Variants in GRAMD4 observed in about 807,000 individuals in gnomAD.
GRAMD4 encodes the protein GRAM domain containing 4, also known as GRAM domain-containing protein 4.
A neutral mutation model predicts 83.9 loss-of-function variants in GRAMD4; 25 were observed. The ratio of observed to expected loss-of-function variants is 0.30; its 90% CI spans 0.22 to 0.42. GRAMD4 has a LOEUF of 0.42. Ranked by LOEUF, GRAMD4 falls within the 10% of genes least tolerant of loss-of-function variation. GRAMD4 has a pLI of 1.00. For synonymous variants in GRAMD4, 336 were observed against 320.9 expected (o/e 1.05, Z -0.50); for missense variants, 593 against 788.7 (o/e 0.75, Z 2.97).
intron 2 of GRAMD4, among the ~76,000 whole-genome samples, chr22:46,630,667 G>A (rs557289658): frequency 9.9e-5 from 15 of 152,270 alleles, no homozygotes; most frequent in Admixed American, 5.9e-4. Context: ...TCCTGGCAGC[G>A]GCTCAGGATC....
intron 4 of GRAMD4, 150 bp downstream of exon 4, chr22:46,658,457 T>A: frequency 1.3e-6 from 1 of 741,916 alleles, no homozygotes; most frequent in Non-Finnish European, 2.2e-6. Context: ...GGCCCGGCTC[T>A]GACTGCCCAG....
At chr22:46,644,406 CT>C (rs1231554943) in intron 3 of GRAMD4, among the ~76,000 whole-genome samples, 1 of 152,128 alleles carries the variant, frequency 6.6e-6, no homozygotes, top group African/African-American at 2.4e-5. Flanking sequence ...ACACCTGCCC[CT>C]GTTCCATGTT....
chr22:46,615,355 GTGTGTGCAGGTTCCCC>G (rs1247206692), intron 1 of GRAMD4, among the ~76,000 whole-genome samples: 1 of 13,470 alleles, frequency 7.4e-5, no homozygotes, highest in African/African-American at 3.1e-4. Flanking sequence ...GGCTTCCCCT[GTGTGTGCAGGTTCCCC>G]TGTGTGTAGG....
At chr22:46,668,229 G>T (rs1331871644) in intron 11 of GRAMD4, 62 bp downstream of exon 11, 27 of 1,206,964 alleles carry the variant, frequency 2.2e-5, no homozygotes, top group Non-Finnish European at 3.1e-5. Flanking sequence ...AGCCAGGGGT[G>T]TGTCTACGCC....
At chr22:46,581,751 G>A (rs1253732888) in intron 1 of GRAMD4, among the ~76,000 whole-genome samples, 3 of 152,390 alleles carry the variant, frequency 2.0e-5, no homozygotes, top group African/African-American at 7.2e-5. Context: ...TTGCTGCGTG[G>A]TAGAGGTGGG....
downstream of GRAMD4, among the ~76,000 whole-genome samples, chr22:46,680,805 C>CCCATCCATCCATCCATCCATCCAT (rs751195568): frequency 1.8e-5 from 1 of 55,842 alleles, no homozygotes; most frequent in Non-Finnish European, 3.1e-5. Flanking sequence ...CATTCACCTA[C>CCCATCCATCCATCCATCCATCCAT]CCATCCATCC....
At position 46,663,762 on chromosome 22, in the gene GRAMD4, C is replaced by A. The variant is rs556684529; in HGVS notation, c.600-76C>A. Reference sequence around the variant, plus strand: ...TCCTCCCTGGCCCCTGCAGAGCCAACGGAACCGGGCAGTGGGGACTGCAGA... The same window carrying A: ...TCCTCCCTGGCCCCTGCAGAGCCAAAGGAACCGGGCAGTGGGGACTGCAGA... On this transcript the variant is annotated intron_variant, in intron 6 of 18. Coordinates refer to ENST00000406902, the MANE Select transcript of GRAMD4 (RefSeq NM_015124.5). 7 of 1,457,858 alleles carry A rather than the reference C, an allele frequency of 4.8e-6. No individual in the cohort carries two copies. In the African/African-American group the frequency reaches 9.7e-5, roughly 20 times the overall value. 90.3% of individuals were successfully genotyped at this position (1,457,858 alleles called of 1,614,324 possible). A position where few individuals can be genotyped will look rare whatever the true frequency, so the allele number is the denominator to read the frequency against.
chr22:46,673,734 A>G lies in GRAMD4; in HGVS notation c.1304A>G (p.Asp435Gly). 6.2e-7 allele frequency: 1 copy of G among 1,612,876 alleles called. No individual in the cohort carries two copies. Among genetic ancestry groups the G allele is most frequent in the Non-Finnish European group, 8.5e-7 (1 of 1,179,906 alleles). ...CCGGCCGGCCTGGGTAAAGAGGAGG[A>G]CGCCGGTCGCTTCCACAGCACCAAG... ...SAPAGLGKEE[D>G]AGRFHSTKKG... The change falls in exon 15 of 19, where the codon GAC (aspartate) becomes GGC (glycine). Residue 435 changes from aspartate (D) to glycine (G), a missense_variant. Physicochemically the swap from Asp to Gly is moderately conservative, Grantham distance 94. Coordinates refer to ENST00000406902, the MANE Select transcript of GRAMD4 (RefSeq NM_015124.5).
chr22:46,637,169 G>A (rs1320602809), intron 2 of GRAMD4, among the ~76,000 whole-genome samples: 1 of 152,162 alleles, frequency 6.6e-6, no homozygotes, highest in Non-Finnish European at 1.5e-5. Flanking sequence ...CACGGGGCCA[G>A]CACAGTTCCA....
chr22:46,678,094 C>G lies in GRAMD4; in HGVS notation c.*843C>G. 15 of 985,570 alleles carry G rather than the reference C, an allele frequency of 1.5e-5. No homozygotes were observed. Among genetic ancestry groups the G allele is most frequent in the Non-Finnish European group, 1.8e-5 (15 of 830,026 alleles). 61.1% of individuals were successfully genotyped at this position (985,570 alleles called of 1,614,324 possible). A position where few individuals can be genotyped will look rare whatever the true frequency, so the allele number is the denominator to read the frequency against. On this transcript the variant is annotated 3_prime_UTR_variant, in exon 19 of 19. Transcript: ENST00000406902. ...TCTCACACTTTGCTCTTTGGAAGGCCCAGGAGAACATCCGCGAAGGCTGTT... is the reference window on the plus strand; with the variant it reads ...TCTCACACTTTGCTCTTTGGAAGGCGCAGGAGAACATCCGCGAAGGCTGTT...
At chr22:46,578,270 A>G (rs2081064710) in intron 1 of GRAMD4, among the ~76,000 whole-genome samples, 1 of 152,144 alleles carries the variant, frequency 6.6e-6, no homozygotes, top group African/African-American at 2.4e-5. Context: ...GTCCCAGCCC[A>G]GTGCAGCCCT....
At chr22:46,599,533 G>GCCA (rs1183649476) in intron 1 of GRAMD4, among the ~76,000 whole-genome samples, 3 of 151,894 alleles carry the variant, frequency 2.0e-5, no homozygotes, top group African/African-American at 7.3e-5. Flanking sequence ...CACCCTCTTG[G>GCCA]CCAGGCTGGT....
chr22:46,650,338 C>T lies in GRAMD4; in HGVS notation c.284-7849C>T, dbSNP rs1481673349. On this transcript the variant is annotated intron_variant, in intron 3 of 18. Transcript: ENST00000406902. ...CGAGGCTGGGTGGAGGGCTGCGTGTCGAGGCTGGGTGGAGGGCTGCGTGTC... is the reference window on the plus strand; with the variant it reads ...CGAGGCTGGGTGGAGGGCTGCGTGTTGAGGCTGGGTGGAGGGCTGCGTGTC... 3.4e-5 allele frequency among the ~76,000 whole-genome samples: 5 copies of T among 149,100 alleles called. 1 individual carries two copies. The highest frequency in any genetic ancestry group is 2.7e-4 in the Admixed American group (4 of 14,996).
intron 1 of GRAMD4, among the ~76,000 whole-genome samples, chr22:46,603,513 C>CT (rs1569254347): frequency 9.4e-6 from 1 of 106,014 alleles, no homozygotes; most frequent in South Asian, 3.1e-4. Context: ...CCGGCCTCTT[C>CT]TCTTTTTTTT....
chr22:46,618,136 T>C (rs529372223), upstream of GRAMD4, among the ~76,000 whole-genome samples: 1 of 151,320 alleles, frequency 6.6e-6, no homozygotes, highest in Admixed American at 6.5e-5. This position sits in a 1 kb window ranked among gnomAD's most constrained non-coding sequence, Gnocchi z 5.8. Flanking sequence ...TCCCTCACTC[T>C]CTGAACAAGT....
intron 5 of GRAMD4, 74 bp from the exon 6 acceptor site, chr22:46,662,966 T>G: frequency 5.1e-5 from 74 of 1,440,302 alleles, no homozygotes; most frequent in East Asian, 6.9e-5. Flanking sequence ...CTCCCTGCCC[T>G]GAGATCCCGG....
Position 46,672,941 on chromosome 22 carries a change from A to G in GRAMD4, c.1183A>G (p.Ser395Gly), listed in dbSNP as rs376626431. The change falls in exon 14 of 19, where the codon AGT (serine) becomes GGT (glycine). Residue 395 changes from serine (S) to glycine (G), a missense_variant. Physicochemically the swap from Ser to Gly is moderately conservative, Grantham distance 56 (BLOSUM62 0). This residue lies in a region of GRAMD4 where 171 missense variants were observed against 199.6 expected (regional missense o/e 0.86). Transcript: ENST00000406902. This position sits in a 1 kb window ranked among gnomAD's most constrained non-coding sequence, Gnocchi z 4.7. ...KYDTPYIIWR[S>G]LPTDPQLKER... Reference sequence around the variant, plus strand: ...CGACACGCCCTATATCATCTGGAGGAGTCTCCCCACCGACCCGCAGCTCAA... The same window carrying G: ...CGACACGCCCTATATCATCTGGAGGGGTCTCCCCACCGACCCGCAGCTCAA... The G allele has an allele frequency of 1.1e-5, 18 of 1,611,154 alleles. No homozygotes were observed. In the African/African-American group the frequency reaches 1.6e-4, roughly 14 times the overall value.
At position 46,674,664 on chromosome 22, in the gene GRAMD4, G is replaced by C; in HGVS notation, c.1392G>C (p.Glu464Asp). 1 of 1,610,852 alleles carries C rather than the reference G, an allele frequency of 6.2e-7. No individual in the cohort carries two copies. The highest frequency in any genetic ancestry group is 1.1e-5 in the South Asian group (1 of 91,034). ...CGGGCCTTCTCCCATTAGTGTGCGA[G>C]AATGGCTGGCGCTGCTGCCTCATCA... ...TENERPLAVC[E>D]NGWRCCLINR... Residue 464 changes from glutamate (E) to aspartate (D), a missense_variant, in exon 16 of 19, where the codon GAG becomes GAC. By Grantham distance (45) the Glu-to-Asp change is conservative. Transcript: ENST00000406902.
At chr22:46,625,736 T>TCTCCCTGCCTGGCTGGCCC (rs1356218325) in intron 1 of GRAMD4, among the ~76,000 whole-genome samples, 3 of 152,164 alleles carry the variant, frequency 2.0e-5, no homozygotes, top group Non-Finnish European at 4.4e-5. Context: ...CTGGGTGGCC[T>TCTCCCTGCCTGGCTGGCCC]CTCCCTGCCT....
Sources: gnomAD v4.1 joint callset for allele counts (sites outside exome capture counted in the v4.1 genomes callset) on GRCh38, gnomAD v4.1.1 for gene constraint, gnomAD v4.1.1 regional missense constraint, Gnocchi (gnomAD v3.1) non-coding constraint, MANE v1.5 for transcripts, NCBI Gene and HGNC (gene_info 2026-07-23, HGNC 2026-07-21) for gene names.